The following MOBP variants were observed in gnomAD, a reference collection of about 807,000 sequenced individuals.
MOBP encodes myelin-associated oligodendrocyte basic protein.
A neutral mutation model predicts 15.0 loss-of-function variants in MOBP; 5 were observed. The ratio of observed to expected loss-of-function variants is 0.33; its 90% CI spans 0.17 to 0.70. The LOEUF is 0.70. Among genes scored for constraint, MOBP ranks in the 30% least tolerant of loss-of-function variants. MOBP has a pLI of 0.67. For missense variants in MOBP, 188 were observed against 257.8 expected (o/e 0.73, Z 1.85); for synonymous variants, 88 against 99.0 (o/e 0.89, Z 0.66).
chr3:39,519,806 A>G (rs2043244392), downstream of MOBP, among the ~76,000 whole-genome samples: 2 of 152,138 alleles, frequency 1.3e-5, no homozygotes, highest in Admixed American at 1.3e-4. Flanking sequence ...GGGCAGGAGC[A>G]GTTAGGGGCA....
chr3:39,469,182 G>T lies in MOBP; in HGVS notation c.-89+1442G>T, dbSNP rs1030968787. ...TGTGTGTGTATACATATATACATGT[G>T]TGTGTGTGTATATACATATATACAT... On this transcript the variant is annotated intron_variant, in intron 1 of 3. Coordinates refer to ENST00000684792, the MANE Select transcript of MOBP (RefSeq NM_001393704.1). 7.3e-5 allele frequency among the ~76,000 whole-genome samples: 6 copies of T among 81,938 alleles called. 1 individual carries two copies. The South Asian group carries it at 2.3e-3, about 32-fold the overall frequency. The allele number at this position is 81,938 out of a possible 152,430, so 53.8% of individuals were successfully genotyped here. A position where few individuals can be genotyped will look rare whatever the true frequency, so the allele number is the denominator to read the frequency against.
At chr3:39,483,953 C>G (rs556576594) in intron 2 of MOBP, among the ~76,000 whole-genome samples, 1 of 152,342 alleles carries the variant, frequency 6.6e-6, no homozygotes, top group African/African-American at 2.4e-5. Context: ...AAGACACTTT[C>G]AACCCAATCA....
At chr3:39,503,085 T>C, downstream of MOBP, 1 of 492,346 alleles carries the variant, frequency 2.0e-6, no homozygotes, top group Non-Finnish European at 3.5e-6. Flanking sequence ...TTCAGGTGGC[T>C]GTGGCCATTG....
intron 1 of MOBP, among the ~76,000 whole-genome samples, chr3:39,468,433 G>C (rs1290468127): frequency 6.6e-6 from 1 of 152,186 alleles, no homozygotes; most frequent in South Asian, 2.1e-4. Context: ...AATTCTTTGT[G>C]AATAAATCAG....
intron 3 of MOBP, chr3:39,524,113 G>A (rs898804568): frequency 6.6e-6 from 1 of 152,220 alleles, no homozygotes; most frequent in East Asian, 1.9e-4. Flanking sequence ...CTTGGTCAAG[G>A]AGCAGTATCC....
At chr3:39,529,153 T>C (rs942064999), downstream of MOBP, 1 of 152,162 alleles carries the variant, frequency 6.6e-6, no homozygotes, top group Non-Finnish European at 1.5e-5. Context: ...AAGTGGTCAG[T>C]ATCAAAGAGA....
chr3:39,486,232 T>C (rs1283191851), intron 2 of MOBP, among the ~76,000 whole-genome samples: 1 of 152,214 alleles, frequency 6.6e-6, no homozygotes, highest in Non-Finnish European at 1.5e-5. Flanking sequence ...GGTTGAGTTA[T>C]CTGACTTCTC....
At chr3:39,519,541 G>T (rs2043241513), downstream of MOBP, among the ~76,000 whole-genome samples, 1 of 146,444 alleles carries the variant, frequency 6.8e-6, no homozygotes. Context: ...TTGTTAATGT[G>T]GGTTTTGGCA....
intron 4 of MOBP, among the ~76,000 whole-genome samples, chr3:39,511,265 G>C (rs2125667186): frequency 6.6e-6 from 1 of 152,338 alleles, no homozygotes; most frequent in South Asian, 2.1e-4. Context: ...TTGAAGAACA[G>C]TCATGTGGTA....
chr3:39,524,476 C>G (rs2043304027), exon 5 of MOBP: 1 of 151,792 alleles, frequency 6.6e-6, no homozygotes, highest in Non-Finnish European at 1.5e-5. Context: ...AGATACATGT[C>G]TTTCTCCAGG....
At chr3:39,496,398 A>G (rs1316852039) in intron 2 of MOBP, among the ~76,000 whole-genome samples, 1 of 151,396 alleles carries the variant, frequency 6.6e-6, no homozygotes, top group Non-Finnish European at 1.5e-5. Flanking sequence ...ACGGGGTTTC[A>G]CCGTGTTAGC....
downstream of MOBP, chr3:39,525,242 C>T (rs1459075141): frequency 2.6e-5 from 4 of 152,046 alleles, no homozygotes; most frequent in African/African-American, 7.3e-5. Flanking sequence ...AGTTGAAAAG[C>T]CTGGGGGTAT....
intron 2 of MOBP, among the ~76,000 whole-genome samples, chr3:39,495,222 T>C (rs2042860847): frequency 1.3e-5 from 2 of 152,232 alleles, no homozygotes; most frequent in Non-Finnish European, 2.9e-5. Flanking sequence ...TAGCGACTGC[T>C]TTCTCTAACT....
rs543780150 is a variant in MOBP at position 39,479,254 on chromosome 3, T to G, written c.-88-786T>G. On this transcript the variant is annotated intron_variant, in intron 1 of 3. Coordinates refer to ENST00000684792, the MANE Select transcript of MOBP (RefSeq NM_001393704.1). Reference sequence around the variant, plus strand: ...TTTCACTTAAAACTCTTACAAAGATTTCTATAGTTCATTACACAAAGTTTT... The same window carrying G: ...TTTCACTTAAAACTCTTACAAAGATGTCTATAGTTCATTACACAAAGTTTT... Among the ~76,000 whole-genome samples, 29 of 152,322 alleles carry G rather than the reference T, an allele frequency of 1.9e-4. 1 individual carries two copies. In the South Asian group the frequency reaches 5.8e-3, roughly 30 times the overall value.
intron 2 of MOBP, among the ~76,000 whole-genome samples, chr3:39,496,650 C>T (rs148632942): frequency 0.015 from 2,143 of 147,690 alleles, 38 homozygotes; most frequent in East Asian, 0.059. Context: ...CCCACCACCA[C>T]GCCCGGCTAA....
At chr3:39,472,553 G>A (rs558664950) in intron 1 of MOBP, among the ~76,000 whole-genome samples, 1 of 152,164 alleles carries the variant, frequency 6.6e-6, no homozygotes, top group South Asian at 2.1e-4. Context: ...CTACTTAAAA[G>A]ACTACTCGAA....
chr3:39,513,480 A>G (rs2125669443), exon 5 of MOBP: 1 of 1,520,910 alleles, frequency 6.6e-7, no homozygotes, highest in African/African-American at 1.4e-5. Context: ...TTGCTTCACA[A>G]CCCATCTACC....
chr3:39,507,433 A>C (rs922299344), downstream of MOBP, among the ~76,000 whole-genome samples: 10 of 152,306 alleles, frequency 6.6e-5, no homozygotes, highest in Middle Eastern at 6.8e-3. Flanking sequence ...GAATGGAGGT[A>C]GTTGATAAAA....
intron 2 of MOBP, chr3:39,499,673 T>A (rs1412082910): frequency 4.9e-6 from 1 of 205,184 alleles, no homozygotes; most frequent in East Asian, 1.5e-4. Flanking sequence ...CTCAGACCCA[T>A]GAGATGATCT....
Sources: gnomAD v4.1 joint callset for allele counts (sites outside exome capture counted in the v4.1 genomes callset) on GRCh38, gnomAD v4.1.1 for gene constraint, MANE v1.5 for transcripts, NCBI Gene and HGNC (gene_info 2026-07-23, HGNC 2026-07-21) for gene names.